The following KATNAL1 variants were observed in gnomAD, a reference collection of about 807,000 sequenced individuals.
KATNAL1 encodes the protein katanin catalytic subunit A1 like 1.
Under a neutral mutation model 55.2 loss-of-function variants are expected in KATNAL1, and 32 were observed. That is an observed-to-expected ratio of 0.58 (90% CI 0.44 to 0.78). KATNAL1 has a LOEUF of 0.78. KATNAL1 is among the 30% of genes least tolerant of loss of function. KATNAL1 has a pLI of 0.00. For missense variants in KATNAL1, 466 were observed against 600.9 expected (o/e 0.78, Z 2.35); for synonymous variants, 193 against 193.6 (o/e 1.00, Z 0.02).
intron 3 of KATNAL1, among the ~76,000 whole-genome samples, chr13:30,278,324 TA>T (rs1555266081): frequency 1.3e-5 from 2 of 152,096 alleles, no homozygotes; most frequent in Non-Finnish European, 2.9e-5. Context: ...AAAACTTTTT[TA>T]AAAATTTAGT....
chr13:30,257,805 G>A (rs1329283314), intron 3 of KATNAL1, among the ~76,000 whole-genome samples: 1 of 152,180 alleles, frequency 6.6e-6, no homozygotes, highest in African/African-American at 2.4e-5. Flanking sequence ...CGTGTCGTTT[G>A]TGGCAAGGCC....
At chr13:30,250,534 A>G (rs545390504) in intron 4 of KATNAL1, among the ~76,000 whole-genome samples, 2 of 152,324 alleles carry the variant, frequency 1.3e-5, no homozygotes, top group Admixed American at 1.3e-4. Context: ...AATATTTTCT[A>G]TGAAGTCACT....
chr13:30,283,876 A>ATT, intron 1 of KATNAL1, 85 bp from the exon 2 acceptor site: 1 of 887,336 alleles, frequency 1.1e-6, no homozygotes, highest in South Asian at 2.3e-5. Context: ...GTTTAAAACT[A>ATT]CTTTTTTTTT....
At chr13:30,253,009 A>G (rs889892016) in intron 4 of KATNAL1, among the ~76,000 whole-genome samples, 1 of 152,190 alleles carries the variant, frequency 6.6e-6, no homozygotes, top group African/African-American at 2.4e-5. Context: ...GGCCTCCCAA[A>G]GTGCTGGGAT....
intron 1 of KATNAL1, among the ~76,000 whole-genome samples, chr13:30,300,137 A>G (rs1038369292): frequency 4.6e-5 from 7 of 152,240 alleles, no homozygotes; most frequent in Non-Finnish European, 7.3e-5. Flanking sequence ...TGAAATCATA[A>G]TATTTATCAT....
chr13:30,302,791 T>C (rs952223989), intron 1 of KATNAL1, among the ~76,000 whole-genome samples: 1 of 152,234 alleles, frequency 6.6e-6, no homozygotes, highest in Non-Finnish European at 1.5e-5. Context: ...TATTCATGTA[T>C]CATGTATCAT....
intron 3 of KATNAL1, among the ~76,000 whole-genome samples, chr13:30,260,637 G>A (rs1347511253): frequency 6.6e-6 from 1 of 152,104 alleles, no homozygotes; most frequent in Non-Finnish European, 1.5e-5. Flanking sequence ...AAGATGAAGT[G>A]AATGAAATGA....
rs1282159006 is a variant in KATNAL1 at position 30,239,684 on chromosome 13, GATT to G, written c.726+773_726+775del. Among the ~76,000 whole-genome samples the G allele has an allele frequency of 6.2e-4, 80 of 128,438 alleles. 3 individuals are homozygous for G. The highest frequency in any genetic ancestry group is 2.5e-3 in the South Asian group (10 of 3,960). 84.3% of individuals were successfully genotyped at this position (128,438 alleles called of 152,430 possible). On this transcript the variant is annotated intron_variant, in intron 6 of 10. Transcript: ENST00000380615. ...AGATATTTTGTAATGATACAGAAGTGATTTTTTTTTTTTTTTTTTTGAGATGGA... is the reference window on the plus strand; with the variant it reads ...AGATATTTTGTAATGATACAGAAGTGTTTTTTTTTTTTTTTTTGAGATGGA...
At chr13:30,277,819 T>C (rs1378781519) in intron 3 of KATNAL1, among the ~76,000 whole-genome samples, 1 of 150,738 alleles carries the variant, frequency 6.6e-6, no homozygotes, top group Non-Finnish European at 1.5e-5. Context: ...CCGTCTCTAC[T>C]AAAAATACAA....
At chr13:30,246,183 T>G (rs12864594) in intron 4 of KATNAL1, among the ~76,000 whole-genome samples, 1 of 152,074 alleles carries the variant, frequency 6.6e-6, no homozygotes, top group African/African-American at 2.4e-5. Context: ...AGCATGGTGG[T>G]ACCAAAACAG....
At chr13:30,296,431 C>T in intron 1 of KATNAL1, 1 of 853,414 alleles carries the variant, frequency 1.2e-6, no homozygotes. Flanking sequence ...AGGAGGGAGG[C>T]TTGGGCCCCC....
At chr13:30,279,842 T>A (rs1370649313) in intron 3 of KATNAL1, among the ~76,000 whole-genome samples, 1 of 152,240 alleles carries the variant, frequency 6.6e-6, no homozygotes, top group African/African-American at 2.4e-5. Context: ...CATCTATTGT[T>A]ATTAGCGTAA....
intron 3 of KATNAL1, among the ~76,000 whole-genome samples, chr13:30,269,139 C>G (rs953627024): frequency 2.0e-5 from 3 of 152,222 alleles, no homozygotes; most frequent in Admixed American, 6.5e-5. Context: ...CGAGCCGAAG[C>G]TGGACTGTAC....
intron 9 of KATNAL1, among the ~76,000 whole-genome samples, chr13:30,223,455 A>C (rs1220281948): frequency 4.0e-5 from 6 of 150,734 alleles, no homozygotes; most frequent in Non-Finnish European, 8.9e-5. Flanking sequence ...AAAAAAAAAA[A>C]AAAAAAAAAA....
Position 30,303,005 on chromosome 13 carries a change from T to C in KATNAL1, c.-15+4326A>G, listed in dbSNP as rs547419255. ...AATACTGAGATATGATTAAAAACTA[T>C]AAAAAGTGCTCACTAAAAACAGCTT... On this transcript the variant is annotated intron_variant, in intron 1 of 10. Transcript: ENST00000380615. Among the ~76,000 whole-genome samples, 16 of 152,290 alleles carry C rather than the reference T, an allele frequency of 1.1e-4. No individual in the cohort carries two copies. In the South Asian group the frequency reaches 3.1e-3, roughly 30 times the overall value.
At chr13:30,271,224 C>T (rs929702729) in intron 3 of KATNAL1, among the ~76,000 whole-genome samples, 1 of 152,150 alleles carries the variant, frequency 6.6e-6, no homozygotes, top group African/African-American at 2.4e-5. Context: ...ATACTGATCC[C>T]CAACTTATAG....
intron 1 of KATNAL1, among the ~76,000 whole-genome samples, chr13:30,294,214 G>C (rs1246020817): frequency 1.3e-5 from 2 of 152,204 alleles, no homozygotes; most frequent in Non-Finnish European, 2.9e-5. Flanking sequence ...AGCTTAGCAA[G>C]CAAGGCATGT....
chr13:30,208,752 A>C lies in KATNAL1; in HGVS notation c.1275-14T>G. 5.1e-6 allele frequency: 8 copies of C among 1,566,832 alleles called. No individual in the cohort carries two copies. Among genetic ancestry groups the C allele is most frequent in the Non-Finnish European group, 6.1e-6 (7 of 1,148,268 alleles). ...AAAGAGGCATCCCTAAAAATATACC[A>C]AAATCAGTCAACAGTAATTTTTGCA... On this transcript the variant is annotated splice_polypyrimidine_tract_variant and intron_variant, in intron 10 of 10. Transcript: ENST00000380615.
rs1488164582 is a variant in KATNAL1, at chr13:30,208,650, G to A, written c.1363C>T (p.Pro455Ser). The A allele has an allele frequency of 6.2e-7, 1 of 1,613,760 alleles. No homozygotes were observed. The highest frequency in any genetic ancestry group is 8.5e-7 in the Non-Finnish European group (1 of 1,179,798). Residue 455 changes from proline (P) to serine (S), a missense_variant, in exon 11 of 11, where the codon CCT becomes TCT. This residue lies in a region of KATNAL1 where 213 missense variants were observed against 308.6 expected (regional missense o/e 0.69). Transcript: ENST00000380615. ...RALSKEELQM[P>S]VTKGDFELAL... is the part of the protein sequence containing the mutation. Reference sequence around the variant, plus strand: ...AATTCAAAGTCTCCTTTGGTAACAGGCATCTGAAGTTCCTCTTTAGAAAGT... The same window carrying A: ...AATTCAAAGTCTCCTTTGGTAACAGACATCTGAAGTTCCTCTTTAGAAAGT...
Sources: gnomAD v4.1 joint callset for allele counts (sites outside exome capture counted in the v4.1 genomes callset) on GRCh38, gnomAD v4.1.1 for gene constraint, gnomAD v4.1.1 regional missense constraint, MANE v1.5 for transcripts, NCBI Gene and HGNC (gene_info 2026-07-23, HGNC 2026-07-21) for gene names.